MAP3K13: variants seen among roughly 807,000 people sequenced by gnomAD.
MAP3K13 encodes the protein mitogen-activated protein kinase kinase kinase 13.
In MAP3K13, 52 loss-of-function variants were observed where a neutral mutation model predicts 104.0. The ratio of observed to expected loss-of-function variants is 0.50; its 90% CI spans 0.40 to 0.63. The LOEUF is 0.63. MAP3K13 is among the 20% of genes least tolerant of loss of function. The pLI is 0.00. For synonymous variants in MAP3K13, 394 were observed against 442.2 expected (o/e 0.89, Z 1.37); for missense variants, 914 against 1,218.5 (o/e 0.75, Z 3.72).
intron 2 of MAP3K13, among the ~76,000 whole-genome samples, chr3:185,324,558 G>A (rs1311820192): frequency 6.6e-6 from 1 of 151,968 alleles, no homozygotes. Flanking sequence ...AACCACCCCT[G>A]CTATGACCAG....
intron 1 of MAP3K13, among the ~76,000 whole-genome samples, chr3:185,378,034 C>T (rs1317164514): frequency 1.3e-5 from 2 of 152,118 alleles, no homozygotes; most frequent in Admixed American, 1.3e-4. Context: ...GAACCCCTGG[C>T]AGCTGCGGTT....
chr3:185,454,733 TG>T lies in MAP3K13; in HGVS notation c.1278+3339del, dbSNP rs1560117422. ...ATATATGAGATATATATGATATATA[TG>T]ATATATATATCATATATATGAGATA... On this transcript the variant is annotated intron_variant, in intron 7 of 13. Coordinates refer to ENST00000265026, the MANE Select transcript of MAP3K13 (RefSeq NM_004721.5). Among the ~76,000 whole-genome samples, 2 of 35,602 alleles carry T rather than the reference TG, an allele frequency of 5.6e-5. 1 individual carries two copies. Among genetic ancestry groups the T allele is most frequent in the Non-Finnish European group, 1.4e-4 (2 of 14,218 alleles). 23.4% of individuals were successfully genotyped at this position (35,602 alleles called of 152,430 possible).
chr3:185,328,157 G>T (rs2108703260), intron 2 of MAP3K13, among the ~76,000 whole-genome samples: 1 of 152,288 alleles, frequency 6.6e-6, no homozygotes, highest in Non-Finnish European at 1.5e-5. Flanking sequence ...TCAGCCGGTG[G>T]TTTGAATGTC....
At chr3:185,380,578 G>T (rs1225321261) in intron 1 of MAP3K13, among the ~76,000 whole-genome samples, 1 of 151,984 alleles carries the variant, frequency 6.6e-6, no homozygotes, top group Non-Finnish European at 1.5e-5. Context: ...GAAATGTTGA[G>T]GGTGGGGCCC....
intron 1 of MAP3K13, among the ~76,000 whole-genome samples, chr3:185,414,895 G>C (rs1376211101): frequency 1.3e-5 from 2 of 152,098 alleles, no homozygotes; most frequent in African/African-American, 2.4e-5. Context: ...TTTTTGGCCA[G>C]GCGTGGTGGC....
At chr3:185,347,508 G>A (rs1286245304) in intron 2 of MAP3K13, among the ~76,000 whole-genome samples, 2 of 151,970 alleles carry the variant, frequency 1.3e-5, no homozygotes, top group African/African-American at 2.4e-5. Context: ...CATTGATCTC[G>A]GTCTACTTGT....
intron 1 of MAP3K13, among the ~76,000 whole-genome samples, chr3:185,382,079 G>A (rs186818998): frequency 6.6e-6 from 1 of 152,264 alleles, no homozygotes; most frequent in Non-Finnish European, 1.5e-5. Flanking sequence ...ATCCATAGGG[G>A]ATATGGTTCA....
chr3:185,395,472 C>G (rs1305214709), intron 1 of MAP3K13, among the ~76,000 whole-genome samples: 2 of 107,850 alleles, frequency 1.9e-5, no homozygotes, highest in Non-Finnish European at 3.9e-5. Context: ...CATTCTCCTG[C>G]CTCAGCCTCC....
At chr3:185,398,946 T>C (rs1021261381) in intron 1 of MAP3K13, among the ~76,000 whole-genome samples, 4 of 152,216 alleles carry the variant, frequency 2.6e-5, no homozygotes, top group African/African-American at 9.6e-5. Context: ...AAGTGTCCTA[T>C]TCAGAAGACT....
At chr3:185,347,007 A>G (rs1234923337) in intron 2 of MAP3K13, among the ~76,000 whole-genome samples, 1 of 71,130 alleles carries the variant, frequency 1.4e-5, no homozygotes, top group African/African-American at 1.1e-4. Context: ...TTTTTTTTTT[A>G]GACAGAGTCT....
At chr3:185,310,902 G>C in intron 2 of MAP3K13, among the ~76,000 whole-genome samples, 1 of 152,166 alleles carries the variant, frequency 6.6e-6, no homozygotes, top group South Asian at 2.1e-4. Context: ...GCTGTTTTCT[G>C]CTTTCAATAT....
chr3:185,330,046 A>ATTTTTTTTTTTTTTTTTTT (rs548813356), intron 2 of MAP3K13, among the ~76,000 whole-genome samples: 3 of 98,276 alleles, frequency 3.1e-5, no homozygotes, highest in African/African-American at 4.4e-5. Flanking sequence ...TGCCTGGCTA[A>ATTTTTTTTTTTTTTTTTTT]TTTTTTTTTT....
intron 1 of MAP3K13, among the ~76,000 whole-genome samples, chr3:185,404,725 C>T (rs768354314): frequency 2.0e-5 from 3 of 152,044 alleles, no homozygotes; most frequent in East Asian, 1.9e-4. Context: ...TACAGGTGCC[C>T]GCCACCACGC....
chr3:185,407,816 A>G (rs940233155), intron 1 of MAP3K13, among the ~76,000 whole-genome samples: 6 of 151,036 alleles, frequency 4.0e-5, no homozygotes, highest in African/African-American at 7.3e-5. Flanking sequence ...GAATTATACA[A>G]TATGTAGCCT....
chr3:185,352,086 G>A (rs1464326493), intron 2 of MAP3K13, among the ~76,000 whole-genome samples: 1 of 152,114 alleles, frequency 6.6e-6, no homozygotes, highest in Non-Finnish European at 1.5e-5. Flanking sequence ...ATGTGGTCAC[G>A]TGTACAGCCA....
At chr3:185,319,059 T>C (rs1334799204) in intron 2 of MAP3K13, among the ~76,000 whole-genome samples, 1 of 152,224 alleles carries the variant, frequency 6.6e-6, no homozygotes, top group Non-Finnish European at 1.5e-5. Flanking sequence ...TGATTAGTTT[T>C]TCATGTTTTT....
chr3:185,367,288 G>A (rs1043545384), intron 1 of MAP3K13, among the ~76,000 whole-genome samples: 3 of 152,144 alleles, frequency 2.0e-5, no homozygotes, highest in African/African-American at 7.2e-5. Flanking sequence ...GGTTTGTGAT[G>A]GGACCCAGTG....
chr3:185,453,815 CATATATATGAGATAT>C (rs1175603259), intron 7 of MAP3K13, among the ~76,000 whole-genome samples: 1 of 22,498 alleles, frequency 4.4e-5, no homozygotes, highest in Non-Finnish European at 1.2e-4. Flanking sequence ...ATATATGATA[CATATATATGAGATAT>C]ATATATATGA....
At chr3:185,445,092 T>G (rs12054100) in intron 4 of MAP3K13, among the ~76,000 whole-genome samples, 23,433 of 152,112 alleles carry the variant, frequency 0.15, 2,034 homozygotes, top group South Asian at 0.26. Flanking sequence ...GGGAATCCAT[T>G]ATCACATCTT....
Sources: gnomAD v4.1 joint callset for allele counts (sites outside exome capture counted in the v4.1 genomes callset) on GRCh38, gnomAD v4.1.1 for gene constraint, MANE v1.5 for transcripts, NCBI Gene and HGNC (gene_info 2026-07-23, HGNC 2026-07-21) for gene names.